Variants in CTNNA3 observed in about 807,000 individuals in gnomAD.
The protein encoded by CTNNA3 is catenin alpha 3.
CTNNA3 carries 76 observed loss-of-function variants against 95.7 expected under a neutral mutation model. The ratio of observed to expected loss-of-function variants is 0.79; its 90% CI spans 0.66 to 0.96. The LOEUF is 0.96. CTNNA3 is among the 40% of genes least tolerant of loss of function. The pLI, the probability that CTNNA3 is intolerant of heterozygous loss-of-function variation, is 0.00. For synonymous variants in CTNNA3, 431 were observed against 374.4 expected, an observed-to-expected ratio of 1.15 and a Z score of -1.74; for missense variants, 1,191 against 1,089.8, an observed-to-expected ratio of 1.09 and a Z score of -1.31.
chr10:67,716,645 A>G (rs1038114280), intron 1 of CTNNA3, among the ~76,000 whole-genome samples: 1 of 152,218 alleles, frequency 6.6e-6, no homozygotes, highest in Non-Finnish European at 1.5e-5. Context: ...TGCAAAAAAC[A>G]TGAACCCATC....
intron 3 of CTNNA3, among the ~76,000 whole-genome samples, chr10:67,586,189 C>G (rs1842619382): frequency 6.6e-6 from 1 of 152,030 alleles, no homozygotes; most frequent in African/African-American, 2.4e-5. Context: ...TGAGAAGATA[C>G]TTGATATGAT....
intron 10 of CTNNA3, among the ~76,000 whole-genome samples, chr10:66,589,953 A>G (rs1032816957): frequency 6.6e-6 from 1 of 152,034 alleles, no homozygotes; most frequent in South Asian, 2.1e-4. Flanking sequence ...AAAGTAGAAA[A>G]AAATAAATTA....
At chr10:65,936,164 A>T (rs981499693) in intron 17 of CTNNA3, among the ~76,000 whole-genome samples, 1 of 152,172 alleles carries the variant, frequency 6.6e-6, no homozygotes, top group Admixed American at 6.5e-5. Flanking sequence ...GACTTAGAAG[A>T]CAGACTGCGC....
chr10:66,813,299 A>C (rs923816023), intron 7 of CTNNA3, among the ~76,000 whole-genome samples: 3 of 152,172 alleles, frequency 2.0e-5, no homozygotes, highest in South Asian at 2.1e-4. Context: ...TTGTCTAATA[A>C]AACATACAAG....
At chr10:66,933,068 T>G (rs1008375881) in intron 7 of CTNNA3, among the ~76,000 whole-genome samples, 1 of 152,210 alleles carries the variant, frequency 6.6e-6, no homozygotes, top group Non-Finnish European at 1.5e-5. Flanking sequence ...AAGTACTTTG[T>G]AAACTCTAAA....
intron 10 of CTNNA3, among the ~76,000 whole-genome samples, chr10:66,557,221 A>G (rs1842419468): frequency 6.6e-6 from 1 of 152,138 alleles, no homozygotes; most frequent in African/African-American, 2.4e-5. Flanking sequence ...ATGCTACAAA[A>G]TGGGGAAAAA....
intron 1 of CTNNA3, among the ~76,000 whole-genome samples, chr10:67,758,699 C>CAATTCTATAAATAACTGGGTAT (rs1208287628): frequency 6.6e-6 from 1 of 151,920 alleles, no homozygotes; most frequent in Non-Finnish European, 1.5e-5. Context: ...GGAATCAATT[C>CAATTCTATAAATAACTGGGTAT]AATTCTATAA....
chr10:67,163,603 T>C (rs2132094844), intron 7 of CTNNA3, among the ~76,000 whole-genome samples: 1 of 152,108 alleles, frequency 6.6e-6, no homozygotes, highest in South Asian at 2.1e-4. Context: ...ACGCACCATA[T>C]TTCTGGAAGT....
intron 12 of CTNNA3, among the ~76,000 whole-genome samples, chr10:66,333,827 G>A (rs1589103893): frequency 6.6e-6 from 1 of 151,220 alleles, no homozygotes; most frequent in African/African-American, 2.4e-5. Context: ...TTGACAGTGG[G>A]GTGTTAAAGT....
chr10:67,236,523 G>A (rs1471281403), intron 5 of CTNNA3, among the ~76,000 whole-genome samples: 2 of 148,420 alleles, frequency 1.3e-5, no homozygotes, highest in Non-Finnish European at 3.0e-5. Flanking sequence ...GGGTGGGGGG[G>A]GTGGGGAGGG....
intron 7 of CTNNA3, among the ~76,000 whole-genome samples, chr10:66,850,092 T>G (rs1843430260): frequency 6.6e-6 from 1 of 152,096 alleles, no homozygotes; most frequent in East Asian, 1.9e-4. Context: ...TAGCTACTAT[T>G]CTAACTAAAG....
At chr10:66,214,535 C>T (rs10762029) in intron 13 of CTNNA3, among the ~76,000 whole-genome samples, 79,525 of 151,796 alleles carry the variant, frequency 0.52, 21,471 homozygotes, top group African/African-American at 0.65. Flanking sequence ...CCTAGAAGTA[C>T]AGGTTGTCTC....
chr10:66,217,455 T>C (rs562995507), intron 13 of CTNNA3, among the ~76,000 whole-genome samples: 1 of 152,326 alleles, frequency 6.6e-6, no homozygotes, highest in East Asian at 1.9e-4. Flanking sequence ...TTGTTGCATG[T>C]ATCAAGTTTG....
intron 7 of CTNNA3, among the ~76,000 whole-genome samples, chr10:66,814,235 C>G (rs973561037): frequency 1.4e-5 from 2 of 143,222 alleles, no homozygotes; most frequent in Non-Finnish European, 3.0e-5. Context: ...TGACATTATT[C>G]CCAGAAGAAT....
chr10:66,578,155 G>C (rs917859141), intron 10 of CTNNA3, among the ~76,000 whole-genome samples: 2 of 151,988 alleles, frequency 1.3e-5, no homozygotes, highest in African/African-American at 2.4e-5. Context: ...AAATGCTACT[G>C]ATTTTTACTC....
intron 13 of CTNNA3, among the ~76,000 whole-genome samples, chr10:66,115,062 G>A (rs2082272098): frequency 6.6e-6 from 1 of 152,008 alleles, no homozygotes; most frequent in African/African-American, 2.4e-5. Context: ...AGTGTTATAG[G>A]AAAATCTGCT....
At chr10:65,926,023 T>C (rs2133124271) in intron 17 of CTNNA3, among the ~76,000 whole-genome samples, 1 of 150,078 alleles carries the variant, frequency 6.7e-6, no homozygotes, top group South Asian at 2.1e-4. Flanking sequence ...TAATATGTAA[T>C]GTATGCTAGA....
chr10:67,120,040 C>G (rs1334269048), intron 7 of CTNNA3, among the ~76,000 whole-genome samples: 1 of 151,840 alleles, frequency 6.6e-6, no homozygotes, highest in Non-Finnish European at 1.5e-5. Context: ...ACCAACAAAT[C>G]TGAATCAGAC....
intron 1 of CTNNA3, among the ~76,000 whole-genome samples, chr10:67,738,875 G>A (rs990092890): frequency 2.6e-5 from 4 of 152,154 alleles, no homozygotes; most frequent in East Asian, 1.9e-4. Context: ...AATGAAGTGA[G>A]AAGAGAAGTT....
Sources: allele counts gnomAD v4.1 joint callset (sites outside exome capture counted in the v4.1 genomes callset), GRCh38; gene constraint gnomAD v4.1.1; transcripts MANE v1.5; gene names NCBI Gene and HGNC (gene_info 2026-07-23, HGNC 2026-07-21).